CHN2: variants seen among roughly 807,000 people sequenced by gnomAD.
CHN2 encodes the protein chimerin 2, also known as beta-chimaerin.
CHN2 carries 35 observed loss-of-function variants against 56.3 expected under a neutral mutation model. The observed-to-expected ratio is 0.62, with a 90% CI of 0.47 to 0.82. The LOEUF (loss-of-function observed/expected upper bound fraction) is 0.82. Among genes scored for constraint, CHN2 ranks in the 40% least tolerant of loss-of-function variants. The pLI is 0.00. For synonymous variants in CHN2, 210 were observed against 212.8 expected, an observed-to-expected ratio of 0.99 and a Z score of 0.12; for missense variants, 491 against 580.5, an observed-to-expected ratio of 0.85 and a Z score of 1.58.
At chr7:29,173,321 G>A (rs1350624176) in intron 2 of CHN2, among the ~76,000 whole-genome samples, 1 of 151,962 alleles carries the variant, frequency 6.6e-6, no homozygotes, top group Non-Finnish European at 1.5e-5. Flanking sequence ...CTCGAGTGGG[G>A]GCCTAACTTT....
chr7:29,484,251 T>C (rs745470670), intron 7 of CHN2, among the ~76,000 whole-genome samples: 6 of 152,250 alleles, frequency 3.9e-5, no homozygotes, highest in Non-Finnish European at 7.3e-5. Context: ...ATGGATGACT[T>C]AGATGATTTA....
intron 1 of CHN2, among the ~76,000 whole-genome samples, chr7:29,256,006 A>G (rs1232283257): frequency 6.6e-6 from 1 of 152,238 alleles, no homozygotes; most frequent in African/African-American, 2.4e-5. Context: ...TTTGGTATTT[A>G]AGTTCCTGAC....
intron 1 of CHN2, among the ~76,000 whole-genome samples, chr7:29,260,233 T>G (rs991048235): frequency 1.3e-5 from 2 of 152,168 alleles, no homozygotes; most frequent in Non-Finnish European, 2.9e-5. Context: ...CATCTTGGCC[T>G]CCCAAAGTGC....
intron 1 of CHN2, among the ~76,000 whole-genome samples, chr7:29,325,123 C>A (rs1795702818): frequency 6.6e-6 from 1 of 152,194 alleles, no homozygotes; most frequent in Admixed American, 6.5e-5. Flanking sequence ...CAATTTCTAG[C>A]TGAGCCACCT....
chr7:29,292,082 A>G (rs563820513), intron 1 of CHN2, among the ~76,000 whole-genome samples: 5 of 152,326 alleles, frequency 3.3e-5, no homozygotes, highest in Admixed American at 6.5e-5. Context: ...CACTTTTACC[A>G]TGATGTGCAA....
At chr7:29,374,083 A>G (rs1776829221) in intron 3 of CHN2, among the ~76,000 whole-genome samples, 2 of 152,186 alleles carry the variant, frequency 1.3e-5, no homozygotes, top group South Asian at 4.1e-4. Flanking sequence ...TCAGAAGGCT[A>G]TTTCTTCCCT....
At chr7:29,302,534 T>A (rs1399112955) in intron 1 of CHN2, among the ~76,000 whole-genome samples, 1 of 131,238 alleles carries the variant, frequency 7.6e-6, no homozygotes, top group Non-Finnish European at 1.6e-5. Flanking sequence ...AGAGATAGGG[T>A]CTCACTATAT....
At chr7:29,294,418 G>A (rs1334310024) in intron 1 of CHN2, among the ~76,000 whole-genome samples, 2 of 152,140 alleles carry the variant, frequency 1.3e-5, no homozygotes, top group Non-Finnish European at 2.9e-5. Context: ...CAAATATTTG[G>A]AAGGTGGCAT....
At chr7:29,162,560 C>T (rs898466049) in intron 2 of CHN2, among the ~76,000 whole-genome samples, 1 of 150,940 alleles carries the variant, frequency 6.6e-6, no homozygotes, top group Non-Finnish European at 1.5e-5. Context: ...ACTTGGGAGG[C>T]TGAGGCAGGA....
chr7:29,282,643 TG>T (rs1791816067), intron 1 of CHN2, among the ~76,000 whole-genome samples: 1 of 152,256 alleles, frequency 6.6e-6, no homozygotes, highest in African/African-American at 2.4e-5. Context: ...CTGATGTATC[TG>T]TTCAGTAAAG....
At chr7:29,414,836 A>G (rs1181813970) in intron 6 of CHN2, among the ~76,000 whole-genome samples, 4 of 151,586 alleles carry the variant, frequency 2.6e-5, no homozygotes, top group Admixed American at 6.6e-5. Context: ...GTCCCTCCCC[A>G]TTGCCTTCCC....
At chr7:29,166,399 T>A (rs965932043) in intron 2 of CHN2, among the ~76,000 whole-genome samples, 11 of 152,300 alleles carry the variant, frequency 7.2e-5, no homozygotes, top group African/African-American at 2.4e-4. Context: ...TCTTTCTGAT[T>A]TAAGTGTCTG....
chr7:29,443,674 A>G (rs1783833120), intron 6 of CHN2, among the ~76,000 whole-genome samples: 1 of 151,986 alleles, frequency 6.6e-6, no homozygotes, highest in African/African-American at 2.4e-5. Flanking sequence ...TTGTGTTATC[A>G]TCATTCCAGG....
chr7:29,381,854 G>A (rs1217378060), intron 3 of CHN2, among the ~76,000 whole-genome samples: 2 of 148,346 alleles, frequency 1.3e-5, no homozygotes, highest in Non-Finnish European at 1.5e-5. Context: ...CTAGGAGGGC[G>A]GACCAATTGT....
rs769929757 is a variant in CHN2, at chr7:29,512,553, T to A, written c.1236-11T>A. 6.2e-7 allele frequency: 1 copy of A among 1,607,964 alleles called. No homozygotes were observed. Among genetic ancestry groups the A allele is most frequent in the South Asian group, 1.1e-5 (1 of 90,138 alleles). On this transcript the variant is annotated splice_polypyrimidine_tract_variant and intron_variant, in intron 12 of 12. Coordinates refer to ENST00000222792, the MANE Select transcript of CHN2 (RefSeq NM_004067.4). ...TCCATAATGTCTCTGTTCTATATGT[T>A]TGTTTTGCAGGGTTACTATGAATGA...
chr7:29,374,864 C>T (rs995652639), intron 3 of CHN2, among the ~76,000 whole-genome samples: 6 of 149,644 alleles, frequency 4.0e-5, no homozygotes, highest in Non-Finnish European at 8.9e-5. Context: ...TCCCTCCCTC[C>T]CTTTCTCCCT....
intron 6 of CHN2, among the ~76,000 whole-genome samples, chr7:29,455,586 A>G (rs141012199): frequency 6.6e-6 from 1 of 152,338 alleles, no homozygotes; most frequent in African/African-American, 2.4e-5. Flanking sequence ...CATTGTTCCT[A>G]GCCCATTTTC....
intron 6 of CHN2, among the ~76,000 whole-genome samples, chr7:29,439,579 TC>T (rs1783482168): frequency 6.6e-6 from 1 of 152,048 alleles, no homozygotes; most frequent in Admixed American, 6.6e-5. Flanking sequence ...TTCATCCACA[TC>T]CCCCATATGA....
intron 10 of CHN2, among the ~76,000 whole-genome samples, chr7:29,505,030 G>A (rs892111091): frequency 6.6e-6 from 1 of 152,092 alleles, no homozygotes; most frequent in Non-Finnish European, 1.5e-5. Flanking sequence ...ACTGTCAATG[G>A]GCAGACAATC....
Sources: allele counts gnomAD v4.1 joint callset (sites outside exome capture counted in the v4.1 genomes callset), GRCh38; gene constraint gnomAD v4.1.1; transcripts MANE v1.5; gene names NCBI Gene and HGNC (gene_info 2026-07-23, HGNC 2026-07-21).